ADGRD2: variants seen among roughly 807,000 people sequenced by gnomAD.
ADGRD2 encodes adhesion G protein-coupled receptor D2.
A neutral mutation model predicts 44.4 loss-of-function variants in ADGRD2; 71 were observed. The ratio of observed to expected loss-of-function variants is 1.60; its 90% CI spans 1.32 to 1.95. The LOEUF is 1.95. ADGRD2 is among the 30% of genes most tolerant of loss of function. The probability of loss-of-function intolerance (pLI) is 0.00; values close to 1 mark genes in which losing one functional copy is unlikely to be tolerated. For synonymous variants in ADGRD2, 481 were observed against 224.8 expected (o/e 2.14, Z -10.19); for missense variants, 1,039 against 512.4 (o/e 2.03, Z -9.92).
upstream of ADGRD2, chr9:124,451,009 C>T (rs1222290685): frequency 4.3e-6 from 2 of 469,312 alleles, no homozygotes; most frequent in Admixed American, 4.7e-5. Flanking sequence ...CCCCGCTGAG[C>T]ACAGCGTCTG....
At position 124,467,502 on chromosome 9, in the gene ADGRD2, G is replaced by A. The variant is rs114856706; in HGVS notation, c.2027-219G>A. ...TAATTGTCCAGTTGGTAGAATCCGGGCCAGTTGGGGTCAGTCTAGGGAGAG... is the reference window on the plus strand; with the variant it reads ...TAATTGTCCAGTTGGTAGAATCCGGACCAGTTGGGGTCAGTCTAGGGAGAG... On this transcript the variant is annotated intron_variant, in intron 11 of 21. Transcript: ENST00000334810. Among the ~76,000 whole-genome samples, 607 of 152,316 alleles carry A rather than the reference G, an allele frequency of 4.0e-3. 9 individuals carry two copies. The highest frequency in any genetic ancestry group is 0.014 in the African/African-American group (570 of 41,548).
intron 10 of ADGRD2, among the ~76,000 whole-genome samples, chr9:124,459,112 C>A (rs1205663350): frequency 6.6e-6 from 1 of 152,188 alleles, no homozygotes; most frequent in Non-Finnish European, 1.5e-5. Context: ...TCACTCACTG[C>A]AGTGTGTGTA....
At chr9:124,451,802 A>G (rs1406588872), upstream of ADGRD2, 1 of 410,802 alleles carries the variant, frequency 2.4e-6, no homozygotes, top group Non-Finnish European at 4.5e-6. Flanking sequence ...AGGTCACTGC[A>G]AATGTTATCC....
chr9:124,469,394 T>C, intron 15 of ADGRD2, 38 bp from the exon 19 acceptor site: 2 of 718,052 alleles, frequency 2.8e-6, no homozygotes, highest in Middle Eastern at 2.3e-4. Context: ...GTGTTGGGGA[T>C]GGGGAAGTCC....
chr9:124,471,455 AAGAAGG>A (rs1011474177), intron 17 of ADGRD2, among the ~76,000 whole-genome samples: 1 of 152,110 alleles, frequency 6.6e-6, no homozygotes, highest in African/African-American at 2.4e-5. Context: ...CTTTTCCTTG[AAGAAGG>A]AGAGCCAAGG....
chr9:124,469,603 G>A (rs978067130), intron 16 of ADGRD2, 56 bp downstream of exon 19: 5 of 708,488 alleles, frequency 7.1e-6, no homozygotes, highest in East Asian at 5.4e-5. Context: ...GTCAGCCGGC[G>A]CCAGGCGTGA....
upstream of ADGRD2, chr9:124,451,246 C>T (rs182946994): frequency 9.8e-5 from 46 of 470,650 alleles, no homozygotes; most frequent in East Asian, 2.8e-3. Flanking sequence ...AGAACCTTGG[C>T]GGAGAACCTC....
chr9:124,462,827 GT>G (rs1201384298), intron 10 of ADGRD2, among the ~76,000 whole-genome samples: 1 of 152,100 alleles, frequency 6.6e-6, no homozygotes, highest in East Asian at 1.9e-4. Flanking sequence ...ACTTGCTCAT[GT>G]TGTCTGCCAA....
chr9:124,455,110 T>G (rs748305144), exon 6 of ADGRD2: 40 of 707,940 alleles, frequency 5.7e-5, no homozygotes, highest in Non-Finnish European at 1.1e-4. Flanking sequence ...GGCTGACACA[T>G]GGCTCTCCCT....
exon 12 of ADGRD2, chr9:124,467,774 C>T (rs186767747): frequency 2.5e-5 from 18 of 718,500 alleles, no homozygotes; most frequent in African/African-American, 1.7e-4. Flanking sequence ...TGGGCTGTGG[C>T]GTGTCCTTCT....
intron 11 of ADGRD2, chr9:124,466,630 CA>C: frequency 2.7e-6 from 1 of 368,794 alleles, no homozygotes; most frequent in Middle Eastern, 6.8e-4. Context: ...GGCAACATGG[CA>C]AAACCCCGTC....
intron 17 of ADGRD2, among the ~76,000 whole-genome samples, chr9:124,472,492 TTTTTGTTTTGTTTTG>T (rs140440396): frequency 6.7e-6 from 1 of 150,208 alleles, no homozygotes; most frequent in African/African-American, 2.5e-5. Context: ...TTTGTTTTTG[TTTTTGTTTTGTTTTG>T]TTTTGTTTTG....
At chr9:124,461,570 G>T (rs1302620344) in intron 10 of ADGRD2, among the ~76,000 whole-genome samples, 3 of 151,968 alleles carry the variant, frequency 2.0e-5, no homozygotes, top group Non-Finnish European at 4.4e-5. Context: ...TGTCACCTTT[G>T]TTGAAATCAA....
chr9:124,473,188 C>T (rs1416719660), intron 17 of ADGRD2, among the ~76,000 whole-genome samples: 1 of 152,198 alleles, frequency 6.6e-6, no homozygotes, highest in Non-Finnish European at 1.5e-5. Flanking sequence ...TAGGTACATC[C>T]CACTTTTAGG....
intron 19 of ADGRD2, among the ~76,000 whole-genome samples, chr9:124,476,105 G>A (rs887691841): frequency 2.6e-5 from 4 of 152,160 alleles, no homozygotes; most frequent in East Asian, 1.9e-4. Context: ...AAATGGGGTC[G>A]GGGCTCTGAG....
At chr9:124,456,446 G>A (rs960449942) in intron 6 of ADGRD2, among the ~76,000 whole-genome samples, 176 bp from the exon 10 acceptor site, 5 of 152,178 alleles carry the variant, frequency 3.3e-5, no homozygotes, top group Admixed American at 6.5e-5. Context: ...GGCAGGCAGG[G>A]CTTCAAATGT....
Position 124,454,649 on chromosome 9 carries a change from G to C in ADGRD2, c.1108+80G>C, listed in dbSNP as rs549414595. The C allele has an allele frequency of 1.5e-6, 1 of 681,608 alleles. No homozygotes were observed. The highest frequency in any genetic ancestry group is 2.0e-5 in the Admixed American group (1 of 49,142). The allele number at this position is 681,608 out of a possible 1,614,324, so 42.2% of individuals were successfully genotyped here. Reference sequence around the variant, plus strand: ...GCACCTCAGTTTCCTCCCTTGTAAAGGGGACACCCACCTGGTGTGTCTGCA... The same window carrying C: ...GCACCTCAGTTTCCTCCCTTGTAAACGGGACACCCACCTGGTGTGTCTGCA... On this transcript the variant is annotated intron_variant, in intron 5 of 21. Coordinates refer to ENST00000334810, the Ensembl canonical transcript of ADGRD2. This position sits in a 1 kb window ranked among gnomAD's most constrained non-coding sequence, Gnocchi z 4.5.
chr9:124,453,682 A>ACCCCCCCCCCCCCCCC lies in ADGRD2; in HGVS notation c.923+9_923+10insCCCCCCCCCCCCCCCC. The ACCCCCCCCCCCCCCCC allele has an allele frequency of 1.4e-6, 1 of 690,458 alleles. No homozygotes were observed. The highest frequency in any genetic ancestry group is 2.6e-6 in the Non-Finnish European group (1 of 380,084). 42.8% of individuals were successfully genotyped at this position (690,458 alleles called of 1,614,324 possible). ...GGTGCGCCTTCTCTGTCCCGGTACG[A>ACCCCCCCCCCCCCCCC]CCCGCCCCGCCCCGGCCCCACCCCA... On this transcript the variant is annotated splice_region_variant and intron_variant, in intron 3 of 21. Transcript: ENST00000334810.
chr9:124,451,997 G>GT, upstream of ADGRD2: 4 of 360,938 alleles, frequency 1.1e-5, no homozygotes, highest in South Asian at 2.1e-5. Flanking sequence ...TCCACTGAAT[G>GT]CCCCCCTCCC....
Sources: gnomAD v4.1 joint callset for allele counts (sites outside exome capture counted in the v4.1 genomes callset) on GRCh38, gnomAD v4.1.1 for gene constraint, Gnocchi (gnomAD v3.1) non-coding constraint, MANE v1.5 for transcripts, NCBI Gene and HGNC (gene_info 2026-07-23, HGNC 2026-07-21) for gene names.